Variants in CSMD2 observed in about 807,000 individuals in gnomAD.
The protein encoded by CSMD2 is CUB and Sushi multiple domains 2, also known as CUB and sushi domain-containing protein 2.
In CSMD2, 130 loss-of-function variants were observed where a neutral mutation model predicts 398.5. The observed-to-expected ratio is 0.33, with a 90% confidence interval of 0.28 to 0.38. The LOEUF (loss-of-function observed/expected upper bound fraction) is 0.38, where lower values mean the gene tolerates loss of function less well. Among genes scored for constraint, CSMD2 ranks in the 10% least tolerant of loss-of-function variants. The pLI, the probability that CSMD2 is intolerant of heterozygous loss-of-function variation, is 1.00. For synonymous variants in CSMD2, 1,828 were observed against 1,908.5 expected (o/e 0.96, Z 1.10); for missense variants, 3,829 against 4,764.9 (o/e 0.80, Z 5.78).
intron 3 of CSMD2, among the ~76,000 whole-genome samples, chr1:33,977,191 C>T (rs1173824757): frequency 1.3e-5 from 2 of 152,030 alleles, no homozygotes; most frequent in Non-Finnish European, 2.9e-5. Flanking sequence ...ACTACCTTCC[C>T]ATAGAACTCC....
intron 56 of CSMD2, among the ~76,000 whole-genome samples, chr1:33,549,501 T>G (rs1248049828): frequency 6.6e-6 from 1 of 152,256 alleles, no homozygotes; most frequent in Non-Finnish European, 1.5e-5. Context: ...GCATTACACA[T>G]TCATTTCTGG....
intron 23 of CSMD2, among the ~76,000 whole-genome samples, chr1:33,699,927 T>C (rs866624854): frequency 2.0e-5 from 3 of 152,206 alleles, no homozygotes; most frequent in Non-Finnish European, 4.4e-5. Context: ...GCTCAAACAA[T>C]ATGTGGCCTT....
At chr1:34,125,184 G>A (rs144217108) in intron 1 of CSMD2, among the ~76,000 whole-genome samples, 2 of 152,322 alleles carry the variant, frequency 1.3e-5, no homozygotes, top group East Asian at 3.9e-4. Context: ...TCTGCATTGG[G>A]TCTTAAAAGA....
At chr1:33,599,322 C>T (rs1186659412) in intron 44 of CSMD2, 1 of 152,216 alleles carries the variant, frequency 6.6e-6, no homozygotes, top group African/African-American at 2.4e-5. Flanking sequence ...CCTGGCCTAC[C>T]ACCAAGGTAA....
Position 33,910,131 on chromosome 1 carries a change from G to T in CSMD2, c.920+7963C>A, listed in dbSNP as rs571958529. Among the ~76,000 whole-genome samples, 6 of 152,274 alleles carry T rather than the reference G, an allele frequency of 3.9e-5. No individual in the cohort carries two copies. In the East Asian group the frequency reaches 9.6e-4, roughly 24 times the overall value. On this transcript the variant is annotated intron_variant, in intron 5 of 70. Coordinates refer to ENST00000373381, the MANE Select transcript of CSMD2 (RefSeq NM_001281956.2). ...TTATAGCTGATTTCTGGGCCTTCCT[G>T]TTTAACCCACTTAAAATTCAGAATG...
intron 13 of CSMD2, among the ~76,000 whole-genome samples, chr1:33,758,575 G>T (rs1242498440): frequency 3.3e-5 from 5 of 152,236 alleles, no homozygotes; most frequent in African/African-American, 1.2e-4. Flanking sequence ...TGCCCTCAGG[G>T]AGTTTATAGT....
intron 56 of CSMD2, 41 bp downstream of exon 56, chr1:33,550,136 G>T: frequency 6.3e-7 from 1 of 1,590,756 alleles, no homozygotes; most frequent in Non-Finnish European, 8.6e-7. Flanking sequence ...CATCAGTCAA[G>T]CATTCCACTG....
chr1:33,975,774 C>T (rs529829423), intron 3 of CSMD2, among the ~76,000 whole-genome samples: 1 of 152,256 alleles, frequency 6.6e-6, no homozygotes, highest in East Asian at 1.9e-4. Flanking sequence ...CGGATGCTCT[C>T]TGTGTGCATG....
chr1:33,517,121 T>C (rs1335107711), intron 70 of CSMD2, among the ~76,000 whole-genome samples: 2 of 152,216 alleles, frequency 1.3e-5, no homozygotes, highest in Non-Finnish European at 2.9e-5. Flanking sequence ...GGTGTTTATT[T>C]TAATTTCAGC....
In CSMD2 at chr1:33,572,513, C is replaced by T. The variant is rs1659688299; in HGVS notation, c.7755G>A (p.Gln2585=). ...GLWSNRNVPP[Q]CVPVTCPDVS... Reference sequence around the variant, plus strand: ...CATTGCCCGAGGACTCACGGACACACTGTGGTGGGACATTGCGGTTGCTCC... The same window carrying T: ...CATTGCCCGAGGACTCACGGACACATTGTGGTGGGACATTGCGGTTGCTCC... The change falls in exon 50 of 71, where the codon CAG becomes CAA. Residue 2585 remains glutamine, a synonymous_variant. Transcript: ENST00000373381. 1 of 1,600,792 alleles carries T rather than the reference C, an allele frequency of 6.2e-7. No individual in the cohort carries two copies. The highest frequency in any genetic ancestry group is 1.7e-5 in the Admixed American group (1 of 59,478).
chr1:33,757,648 T>A (rs1035410341), intron 13 of CSMD2, among the ~76,000 whole-genome samples: 104 of 152,280 alleles, frequency 6.8e-4, no homozygotes, highest in African/African-American at 2.2e-3. Flanking sequence ...TGTACATCCC[T>A]CCTGGAGATC....
chr1:34,121,233 G>C (rs532789537), intron 1 of CSMD2, among the ~76,000 whole-genome samples: 13 of 152,338 alleles, frequency 8.5e-5, no homozygotes, highest in African/African-American at 3.1e-4. Context: ...ATAGAAAAGA[G>C]GAGAGGGAGG....
chr1:33,524,922 G>A lies in CSMD2; in HGVS notation c.10356C>T (p.Ala3452=), dbSNP rs1654638365. 6.2e-7 allele frequency: 1 copy of A among 1,614,090 alleles called. No individual in the cohort carries two copies. Among genetic ancestry groups the A allele is most frequent in the African/African-American group, 1.3e-5 (1 of 74,930 alleles). Residue 3452 remains alanine (A), a synonymous_variant, in exon 66 of 71, where the codon GCC becomes GCT. Transcript: ENST00000373381. ...CCACGCCACTGTGGTCGATCATGGT[G>A]GCATTGACCTTGCTGTTGGCAACTT... ...GFQVANSKVN[A]TMIDHSGVEL...
rs772004806 is a variant in CSMD2, at chr1:34,104,541, T to A, written c.188-15348A>T. ...TGTAGACTGGTGTTTGGGAGTGCAA[T>A]CTGGACTGGGGATATGGATTTGTTG... On this transcript the variant is annotated intron_variant, in intron 1 of 70. Transcript: ENST00000373381. Among the ~76,000 whole-genome samples the A allele has an allele frequency of 2.4e-4, 37 of 152,192 alleles. 1 individual carries two copies. The Middle Eastern group carries it at 0.01, about 42-fold the overall frequency.
intron 25 of CSMD2, among the ~76,000 whole-genome samples, chr1:33,669,038 A>G (rs1358480046): frequency 6.6e-6 from 1 of 152,214 alleles, no homozygotes; most frequent in Non-Finnish European, 1.5e-5. Flanking sequence ...CTTTATGTAC[A>G]TTGCTGAATA....
At chr1:33,676,717 A>G (rs1370260953) in intron 25 of CSMD2, among the ~76,000 whole-genome samples, 1 of 152,218 alleles carries the variant, frequency 6.6e-6, no homozygotes, top group Admixed American at 6.5e-5. Flanking sequence ...CTATACTACA[A>G]GGCTACAGTA....
intron 3 of CSMD2, among the ~76,000 whole-genome samples, chr1:33,938,881 C>T (rs1030196942): frequency 6.6e-6 from 1 of 151,420 alleles, no homozygotes; most frequent in Admixed American, 6.6e-5. Flanking sequence ...CCCATAATCC[C>T]ATGTTGCTGG....
intron 5 of CSMD2, among the ~76,000 whole-genome samples, chr1:33,883,814 T>C (rs1290947575): frequency 1.3e-5 from 2 of 152,214 alleles, no homozygotes; most frequent in African/African-American, 4.8e-5. Flanking sequence ...CCTTCCCTCT[T>C]ATTATGGAAT....
Position 33,990,834 on chromosome 1 carries a change from G to A in CSMD2, c.517+41760C>T, listed in dbSNP as rs143200089. Among the ~76,000 whole-genome samples, 95 of 152,244 alleles carry A rather than the reference G, an allele frequency of 6.2e-4. 1 individual carries two copies. In the East Asian group the frequency reaches 9.3e-3, roughly 15 times the overall value. On this transcript the variant is annotated intron_variant, in intron 3 of 70. Coordinates refer to ENST00000373381, the MANE Select transcript of CSMD2 (RefSeq NM_001281956.2). Reference sequence around the variant, plus strand: ...CCTTTCCTGTCTCCTCCAGATTAGGGTTGCCAGATAAAATATACAATCCCA... The same window carrying A: ...CCTTTCCTGTCTCCTCCAGATTAGGATTGCCAGATAAAATATACAATCCCA...
Sources: gnomAD v4.1 joint callset for allele counts (sites outside exome capture counted in the v4.1 genomes callset) on GRCh38, gnomAD v4.1.1 for gene constraint, MANE v1.5 for transcripts, NCBI Gene and HGNC (gene_info 2026-07-23, HGNC 2026-07-21) for gene names.